The following NUDT13 variants were observed in gnomAD, a reference collection of about 807,000 sequenced individuals.
NUDT13 encodes NAD(P)H pyrophosphatase NUDT13, mitochondrial.
NUDT13 carries 40 observed loss-of-function variants against 41.7 expected under a neutral mutation model. The observed-to-expected ratio is 0.96, with a 90% CI of 0.75 to 1.25. The LOEUF (loss-of-function observed/expected upper bound fraction) is 1.25, where lower values mean the gene tolerates loss of function less well. Ranked by LOEUF, NUDT13 falls within the 50% of genes most tolerant of loss-of-function variation. The probability of loss-of-function intolerance (pLI) is 0.00; values close to 1 mark genes in which losing one functional copy is unlikely to be tolerated. For missense variants in NUDT13, 390 were observed against 416.1 expected, an observed-to-expected ratio of 0.94 and a Z score of 0.55; for synonymous variants, 145 against 155.5, an observed-to-expected ratio of 0.93 and a Z score of 0.50.
At chr10:73,129,141 T>C (rs371553848) in intron 8 of NUDT13, among the ~76,000 whole-genome samples, 50 of 151,580 alleles carry the variant, frequency 3.3e-4, no homozygotes, top group Middle Eastern at 3.2e-3. Context: ...TAGGTACTTG[T>C]AGTTGAAAGA....
chr10:73,124,185 T>A (rs149385759), intron 4 of NUDT13, 29 bp from the exon 5 acceptor site: 7 of 1,493,570 alleles, frequency 4.7e-6, no homozygotes, highest in Non-Finnish European at 6.5e-6. Flanking sequence ...TGTCATTGTT[T>A]AATTTCATTA....
At chr10:73,119,280 G>A (rs186368585) in intron 2 of NUDT13, among the ~76,000 whole-genome samples, 97 of 152,150 alleles carry the variant, frequency 6.4e-4, no homozygotes, top group Middle Eastern at 6.8e-3. Context: ...TCCTGACCTC[G>A]TGATCCACCT....
chr10:73,124,324 G>C lies in NUDT13; in HGVS notation c.465+4G>C, dbSNP rs1463071294. ...GGATGCCTCCTTGCTGTCCACGGTAGATTCTGATTTCTCATTCTGTAGGAA... is the reference window on the plus strand; with the variant it reads ...GGATGCCTCCTTGCTGTCCACGGTACATTCTGATTTCTCATTCTGTAGGAA... On this transcript the variant is annotated splice_donor_region_variant and intron_variant, in intron 5 of 8. Transcript: ENST00000357321. 6.3e-7 allele frequency: 1 copy of C among 1,594,594 alleles called. No homozygotes were observed. The highest frequency in any genetic ancestry group is 1.1e-5 in the South Asian group (1 of 90,742).
intron 8 of NUDT13, among the ~76,000 whole-genome samples, chr10:73,127,116 C>A (rs1463913769): frequency 1.3e-5 from 2 of 152,070 alleles, no homozygotes; most frequent in Non-Finnish European, 2.9e-5. Flanking sequence ...TGCGATGGCT[C>A]ATGCCTGTAA....
At position 73,131,664 on chromosome 10, in the gene NUDT13, C is replaced by G. The variant is rs1431705510; in HGVS notation, c.*761C>G. 1 of 152,188 alleles carries G rather than the reference C, an allele frequency of 6.6e-6. No homozygotes were observed. The highest frequency in any genetic ancestry group is 1.5e-5 in the Non-Finnish European group (1 of 68,044). The allele number at this position is 152,188 out of a possible 1,614,324, so 9.4% of individuals were successfully genotyped here. ...GTTGCTGGCATTTGCACATCCACAA[C>G]GTGTTGATTAACAAAGGGATTGGTG... is the stretch of plus-strand genomic sequence containing the variant. On this transcript the variant is annotated 3_prime_UTR_variant, in exon 9 of 9. Coordinates refer to ENST00000357321, the MANE Select transcript of NUDT13 (RefSeq NM_015901.6).
chr10:73,117,660 G>C (rs1842549904), intron 2 of NUDT13, among the ~76,000 whole-genome samples: 2 of 151,982 alleles, frequency 1.3e-5, no homozygotes, highest in South Asian at 4.1e-4. Flanking sequence ...AGGTTTGATG[G>C]ATTCTAAATA....
chr10:73,127,061 T>A (rs536612163), intron 8 of NUDT13, among the ~76,000 whole-genome samples: 6 of 151,846 alleles, frequency 4.0e-5, no homozygotes, highest in Admixed American at 2.0e-4. Flanking sequence ...CTGGCCAACA[T>A]GGCAAAACTC....
intron 8 of NUDT13, among the ~76,000 whole-genome samples, chr10:73,129,258 C>G (rs184509649): frequency 1.0e-4 from 15 of 145,976 alleles, no homozygotes; most frequent in African/African-American, 3.8e-4. Context: ...CTGCAACCTT[C>G]GCCTCCCAGG....
rs1185734000 is a variant in NUDT13 at position 73,130,666 on chromosome 10, C to T, written c.859-37C>T. ...CCATAGTATTCTAAATTTTGTAGCT[C>T]CTGACCTTACATCCTTTTCTTCCTT... On this transcript the variant is annotated intron_variant, in intron 8 of 8. Transcript: ENST00000357321. 4.5e-6 allele frequency: 7 copies of T among 1,570,690 alleles called. No homozygotes were observed. The Admixed American group carries it at 1.0e-4, about 23-fold the overall frequency.
At chr10:73,127,512 AT>A (rs1179117198) in intron 8 of NUDT13, among the ~76,000 whole-genome samples, 3 of 150,764 alleles carry the variant, frequency 2.0e-5, no homozygotes, top group East Asian at 2.0e-4. Context: ...ATTTTATTTT[AT>A]TTTTTTTGAG....
In NUDT13 at chr10:73,130,889, T is replaced by TC; in HGVS notation, c.1048dup (p.Leu350ProfsTer30). 6.2e-7 allele frequency: 1 copy of TC among 1,613,566 alleles called. No homozygotes were observed. The highest frequency in any genetic ancestry group is 8.5e-7 in the Non-Finnish European group (1 of 1,179,752). ...GTGGGTGGAAAAACAGACCTGTTCTTCCCTGCCTGCTTAGCCCGGATCAAG... is the reference window on the plus strand; with the variant it reads ...GTGGGTGGAAAAACAGACCTGTTCTTCCCCTGCCTGCTTAGCCCGGATCAAG... On this transcript the variant is annotated frameshift_variant, in exon 9 of 9. Coordinates refer to ENST00000357321, the MANE Select transcript of NUDT13 (RefSeq NM_015901.6). LOFTEE classifies it high-confidence loss of function.
At chr10:73,117,987 T>C (rs752102672) in intron 2 of NUDT13, among the ~76,000 whole-genome samples, 2 of 152,218 alleles carry the variant, frequency 1.3e-5, no homozygotes, top group African/African-American at 2.4e-5. Context: ...TCAATTCCAG[T>C]TCCAGTGAGG....
At chr10:73,125,357 C>T in intron 6 of NUDT13, 41 bp from the exon 7 acceptor site, 1 of 1,609,330 alleles carries the variant, frequency 6.2e-7, no homozygotes, top group Non-Finnish European at 8.5e-7. Context: ...ATTGGCAGGG[C>T]CCAAAGTGCC....
intron 5 of NUDT13, 57 bp from the exon 6 acceptor site, chr10:73,125,061 T>TA: frequency 6.5e-6 from 10 of 1,549,354 alleles, no homozygotes; most frequent in Non-Finnish European, 8.7e-6. Flanking sequence ...CCAGTGCTGT[T>TA]AAAGATGAGC....
Position 73,110,786 on chromosome 10 carries a change from T to G in NUDT13, c.-10+219T>G, listed in dbSNP as rs142977496. Among the ~76,000 whole-genome samples, 106 of 152,366 alleles carry G rather than the reference T, an allele frequency of 7.0e-4. No individual in the cohort carries two copies. In the East Asian group the frequency reaches 0.017, roughly 24 times the overall value. ...AGCTCATCATTTTCTGATACTTTTTTGGAGAGTCATTTAAAAATGGAACTT... is the reference window on the plus strand; with the variant it reads ...AGCTCATCATTTTCTGATACTTTTTGGGAGAGTCATTTAAAAATGGAACTT... On this transcript the variant is annotated intron_variant, in intron 1 of 8. Transcript: ENST00000357321.
In NUDT13 at chr10:73,124,255, T is replaced by A; in HGVS notation, c.400T>A (p.Ser134Thr). 9 of 1,613,224 alleles carry A rather than the reference T, an allele frequency of 5.6e-6. No homozygotes were observed. The highest frequency in any genetic ancestry group is 7.6e-6 in the Non-Finnish European group (9 of 1,179,674). ...KPEMETELKG[S>T]FIELRKALFQ... ...TGAAATGGAGACAGAGCTCAAGGGG[T>A]CTTTCATTGAGCTGAGAAAGGCACT... The change falls in exon 5 of 9, where the codon TCT becomes ACT. Residue 134 changes from serine (S) to threonine (T), a missense_variant. Coordinates refer to ENST00000357321, the MANE Select transcript of NUDT13 (RefSeq NM_015901.6).
Position 73,125,388 on chromosome 10 carries a change from C to T in NUDT13, c.592-10C>T. On this transcript the variant is annotated splice_polypyrimidine_tract_variant and intron_variant, in intron 6 of 8. Transcript: ENST00000357321. Reference sequence around the variant, plus strand: ...GTGCCAGCATCTCAGTTTCCATTCCCCTTTCCTAGATGGCTCCTGTGGCGA... The same window carrying T: ...GTGCCAGCATCTCAGTTTCCATTCCTCTTTCCTAGATGGCTCCTGTGGCGA... 6.2e-7 allele frequency: 1 copy of T among 1,613,442 alleles called. No homozygotes were observed. Among genetic ancestry groups the T allele is most frequent in the Non-Finnish European group, 8.5e-7 (1 of 1,179,558 alleles).
At chr10:73,129,465 T>A (rs7903105) in intron 8 of NUDT13, among the ~76,000 whole-genome samples, 2 of 151,684 alleles carry the variant, frequency 1.3e-5, no homozygotes, top group East Asian at 3.9e-4. Flanking sequence ...TGAGCCACCA[T>A]GCCCGGCTAG....
intron 1 of NUDT13, among the ~76,000 whole-genome samples, chr10:73,112,992 A>G (rs1216084366): frequency 6.6e-6 from 1 of 152,110 alleles, no homozygotes; most frequent in Non-Finnish European, 1.5e-5. Context: ...GGTTCAAGCG[A>G]TTCTCCTGCC....
Sources: allele counts gnomAD v4.1 joint callset (sites outside exome capture counted in the v4.1 genomes callset), GRCh38; gene constraint gnomAD v4.1.1; transcripts MANE v1.5; gene names NCBI Gene and HGNC (gene_info 2026-07-23, HGNC 2026-07-21).